Variants in DROSHA observed in about 807,000 individuals in gnomAD.
DROSHA encodes the protein drosha ribonuclease III.
DROSHA carries 56 observed loss-of-function variants against 181.9 expected under a neutral mutation model. That is an observed-to-expected ratio of 0.31 (90% CI 0.25 to 0.38). DROSHA has a LOEUF of 0.38. Among genes scored for constraint, DROSHA ranks in the 10% least tolerant of loss-of-function variants. DROSHA has a pLI of 1.00. For missense variants in DROSHA, 1,218 were observed against 1,743.5 expected, an observed-to-expected ratio of 0.70 and a Z score of 5.37; for synonymous variants, 524 against 591.2, an observed-to-expected ratio of 0.89 and a Z score of 1.65.
chr5:31,452,427 A>C (rs1355524130), intron 20 of DROSHA, among the ~76,000 whole-genome samples: 1 of 152,170 alleles, frequency 6.6e-6, no homozygotes, highest in African/African-American at 2.4e-5. Context: ...TTTTTCCTTC[A>C]ATCCCTTTTC....
At chr5:31,454,866 G>A (rs1308690067) in intron 20 of DROSHA, among the ~76,000 whole-genome samples, 1 of 149,052 alleles carries the variant, frequency 6.7e-6, no homozygotes, top group Non-Finnish European at 1.5e-5. Flanking sequence ...CGTGAACCCA[G>A]GAGGCGGAGC....
intron 10 of DROSHA, chr5:31,505,872 A>G (rs1737873432): frequency 6.6e-6 from 1 of 152,204 alleles, no homozygotes; most frequent in Non-Finnish European, 1.5e-5. Context: ...TCCAATTAAA[A>G]TATAAAAGTC....
rs745371084 is a variant in DROSHA at position 31,503,526 on chromosome 5, GC to G, written c.1668+1028del. On this transcript the variant is annotated intron_variant, in intron 11 of 35. Coordinates refer to ENST00000344624, the MANE Select transcript of DROSHA (RefSeq NM_001382508.1). Reference sequence around the variant, plus strand: ...CTTCAGGGTCAACCTCAGCTGCAGAGCCCCCTCTCCCAAGGTTGTGCCCTTC... The same window carrying G: ...CTTCAGGGTCAACCTCAGCTGCAGAGCCCCTCTCCCAAGGTTGTGCCCTTC... Among the ~76,000 whole-genome samples the G allele has an allele frequency of 8.0e-4, 122 of 152,306 alleles. 1 individual carries two copies. Among genetic ancestry groups the G allele is most frequent in the Admixed American group, 1.4e-3 (21 of 15,296 alleles).
At chr5:31,404,463 G>A (rs1354403728) in intron 35 of DROSHA, among the ~76,000 whole-genome samples, 2 of 152,154 alleles carry the variant, frequency 1.3e-5, no homozygotes, top group Non-Finnish European at 2.9e-5. Flanking sequence ...CCACTTGGCT[G>A]TTGGCCTGCT....
chr5:31,426,182 T>C (rs1308834581), intron 27 of DROSHA, among the ~76,000 whole-genome samples: 3 of 152,070 alleles, frequency 2.0e-5, no homozygotes, highest in African/African-American at 4.8e-5. Context: ...CACCTGTCCA[T>C]TTCCTTTCAT....
Position 31,530,266 on chromosome 5 carries a change from G to A in DROSHA, c.-47+532C>T, listed in dbSNP as rs189627436. Among the ~76,000 whole-genome samples, 4 of 152,114 alleles carry A rather than the reference G, an allele frequency of 2.6e-5. No individual in the cohort carries two copies. In the East Asian group the frequency reaches 5.8e-4, roughly 22 times the overall value. The stretch of plus-strand genomic sequence containing the variant: ...CTCCAAAATAGCTGGAACTACAGGC[G>A]TGAGTCACTGCGCCTGACTCCTTAT... On this transcript the variant is annotated intron_variant, in intron 3 of 35. Coordinates refer to ENST00000344624, the MANE Select transcript of DROSHA (RefSeq NM_001382508.1).
intron 35 of DROSHA, among the ~76,000 whole-genome samples, chr5:31,402,122 A>C (rs1222786695): frequency 6.6e-6 from 1 of 152,250 alleles, no homozygotes; most frequent in Non-Finnish European, 1.5e-5. Context: ...ACAGGCCCAA[A>C]GCTGTATTTG....
In DROSHA at chr5:31,409,547, C is replaced by T; in HGVS notation, c.3668-215G>A. The stretch of plus-strand genomic sequence containing the variant: ...AGATGCAAATCATAGAGTACAAACA[C>T]CAAACTGCATTTAGCTAAGGGCTAA... On this transcript the variant is annotated intron_variant, in intron 31 of 35. Transcript: ENST00000344624. The surrounding 1 kb of genome is among the most constrained non-coding windows in gnomAD (Gnocchi z 4.0). 1.8e-6 allele frequency: 1 copy of T among 541,330 alleles called. No individual in the cohort carries two copies. Among genetic ancestry groups the T allele is most frequent in the Non-Finnish European group, 3.3e-6 (1 of 299,892 alleles). The allele number at this position is 541,330 out of a possible 1,614,324, so 33.5% of individuals were successfully genotyped here. A position where few individuals can be genotyped will look rare whatever the true frequency, so the allele number is the denominator to read the frequency against.
intron 10 of DROSHA, among the ~76,000 whole-genome samples, 197 bp from the exon 11 acceptor site, chr5:31,504,832 G>A (rs1032520632): frequency 2.0e-5 from 3 of 152,196 alleles, no homozygotes; most frequent in Non-Finnish European, 2.9e-5. Flanking sequence ...AAGGGAAACC[G>A]TGTGACAACA....
chr5:31,512,261 C>G (rs1738777798), intron 8 of DROSHA, among the ~76,000 whole-genome samples: 1 of 152,192 alleles, frequency 6.6e-6, no homozygotes, highest in Non-Finnish European at 1.5e-5. Context: ...GACATTCTCA[C>G]CACCTTCTCT....
At chr5:31,448,804 CTTA>C (rs1214887687) in intron 22 of DROSHA, among the ~76,000 whole-genome samples, 197 bp from the exon 23 acceptor site, 2 of 152,050 alleles carry the variant, frequency 1.3e-5, no homozygotes, top group African/African-American at 4.8e-5. Flanking sequence ...CTCATCAACC[CTTA>C]TTATAGTTCT....
At chr5:31,428,948 ATT>A (rs1200624381) in intron 27 of DROSHA, among the ~76,000 whole-genome samples, 1 of 152,136 alleles carries the variant, frequency 6.6e-6, no homozygotes, top group African/African-American at 2.4e-5. Flanking sequence ...AGAATCTATC[ATT>A]TTTTCTTAAA....
intron 11 of DROSHA, among the ~76,000 whole-genome samples, chr5:31,500,913 G>A (rs1247408218): frequency 6.6e-6 from 1 of 152,220 alleles, no homozygotes. Flanking sequence ...TACTTAGTTT[G>A]TACGAACATA....
chr5:31,474,292 G>T (rs6899191), intron 16 of DROSHA, among the ~76,000 whole-genome samples: 88,755 of 152,010 alleles, frequency 0.58, 26,604 homozygotes, highest in Non-Finnish European at 0.65. Context: ...AAAGTCATCA[G>T]TAATAAGCTA....
chr5:31,486,958 T>C (rs186097466), intron 13 of DROSHA, among the ~76,000 whole-genome samples: 3 of 152,364 alleles, frequency 2.0e-5, no homozygotes, highest in South Asian at 4.1e-4. Context: ...AGTAGGGTGA[T>C]AACTCATCAA....
chr5:31,451,153 G>T (rs1476262299), intron 21 of DROSHA, among the ~76,000 whole-genome samples: 1 of 151,970 alleles, frequency 6.6e-6, no homozygotes, highest in African/African-American at 2.4e-5. Context: ...AGTGGGCCGA[G>T]ATCACGCCAT....
Position 31,504,491 on chromosome 5 carries a change from GCAA to G in DROSHA, c.1668+61_1668+63del. 4 of 1,530,048 alleles carry G rather than the reference GCAA, an allele frequency of 2.6e-6. No homozygotes were observed. The South Asian group carries it at 3.5e-5, about 13-fold the overall frequency. 94.8% of individuals were successfully genotyped at this position (1,530,048 alleles called of 1,614,324 possible). A position where few individuals can be genotyped will look rare whatever the true frequency, so the allele number is the denominator to read the frequency against. On this transcript the variant is annotated intron_variant, in intron 11 of 35. Transcript: ENST00000344624. ...TATTTCATTTATGGGGGAAAGAACA[GCAA>G]CAACATCTGTCTACTTCTGGCTTCT... is the stretch of plus-strand genomic sequence containing the variant.
At chr5:31,459,786 A>T (rs1163293797) in intron 20 of DROSHA, among the ~76,000 whole-genome samples, 1 of 152,186 alleles carries the variant, frequency 6.6e-6, no homozygotes, top group Non-Finnish European at 1.5e-5. Flanking sequence ...AAGACAGCAT[A>T]TTCATTAATT....
chr5:31,526,825 G>A lies in DROSHA; in HGVS notation c.108C>T (p.Pro36=), dbSNP rs781068329. ...GAGGGTGAAGCAGCCTCAGATTTTG[G>A]GGCCTAAAGGATGGTGCTGAGGGTC... ...GARPSAPSFR[P]QNLRLLHPQQ... is the part of the protein sequence containing the mutation. The change falls in exon 5 of 36, where the codon CCC becomes CCT. Residue 36 remains proline (P), a synonymous_variant. Coordinates refer to ENST00000344624, the MANE Select transcript of DROSHA (RefSeq NM_001382508.1). The A allele has an allele frequency of 1.2e-6, 2 of 1,613,104 alleles. No homozygotes were observed. The highest frequency in any genetic ancestry group is 2.2e-5 in the South Asian group (2 of 90,996).
Sources: gnomAD v4.1 joint callset for allele counts (sites outside exome capture counted in the v4.1 genomes callset) on GRCh38, gnomAD v4.1.1 for gene constraint, Gnocchi (gnomAD v3.1) non-coding constraint, MANE v1.5 for transcripts, NCBI Gene and HGNC (gene_info 2026-07-23, HGNC 2026-07-21) for gene names.